The following MAP2K5 variants were observed in gnomAD, a reference collection of about 807,000 sequenced individuals.
The protein encoded by MAP2K5 is mitogen-activated protein kinase kinase 5.
A neutral mutation model predicts 83.1 loss-of-function variants in MAP2K5; 49 were observed. That is an observed-to-expected ratio of 0.59 (90% CI 0.47 to 0.75). MAP2K5 has a LOEUF of 0.75. Ranked by LOEUF, MAP2K5 falls within the 30% of genes least tolerant of loss-of-function variation. The pLI, the probability that MAP2K5 is intolerant of heterozygous loss-of-function variation, is 0.00. For missense variants in MAP2K5, 457 were observed against 557.5 expected, an observed-to-expected ratio of 0.82 and a Z score of 1.82; for synonymous variants, 202 against 191.8, an observed-to-expected ratio of 1.05 and a Z score of -0.44.
intron 7 of MAP2K5, among the ~76,000 whole-genome samples, chr15:67,598,479 C>T (rs1467688130): frequency 6.6e-6 from 1 of 152,140 alleles, no homozygotes; most frequent in Non-Finnish European, 1.5e-5. Flanking sequence ...AATGCACATG[C>T]ACATACACTT....
At chr15:67,773,609 T>C (rs1350128314) in intron 21 of MAP2K5, among the ~76,000 whole-genome samples, 3 of 152,256 alleles carry the variant, frequency 2.0e-5, no homozygotes, top group Non-Finnish European at 4.4e-5. Context: ...CTTTATAATA[T>C]GGATTTCATC....
intron 2 of MAP2K5, among the ~76,000 whole-genome samples, chr15:67,560,943 C>T (rs922127502): frequency 1.3e-5 from 2 of 152,010 alleles, no homozygotes; most frequent in Admixed American, 6.6e-5. Flanking sequence ...GAAGGGTTTT[C>T]ACTCGTTTTA....
chr15:67,655,945 A>C (rs2057911039), intron 11 of MAP2K5, among the ~76,000 whole-genome samples: 1 of 152,040 alleles, frequency 6.6e-6, no homozygotes, highest in South Asian at 2.1e-4. Context: ...GATAATTTCC[A>C]TTGACCTATC....
At chr15:67,558,700 G>A (rs1274325539) in intron 2 of MAP2K5, among the ~76,000 whole-genome samples, 1 of 152,128 alleles carries the variant, frequency 6.6e-6, no homozygotes, top group African/African-American at 2.4e-5. Flanking sequence ...GCTTCCTTTC[G>A]GTCTGTCAAA....
chr15:67,765,276 T>C (rs2090019882), intron 19 of MAP2K5, among the ~76,000 whole-genome samples: 1 of 152,212 alleles, frequency 6.6e-6, no homozygotes, highest in African/African-American at 2.4e-5. Flanking sequence ...GGAGAATCAC[T>C]TGAACCCAGA....
At chr15:67,739,084 A>T (rs1353773255) in intron 17 of MAP2K5, among the ~76,000 whole-genome samples, 1 of 152,082 alleles carries the variant, frequency 6.6e-6, no homozygotes, top group Non-Finnish European at 1.5e-5. Flanking sequence ...GTTTGAGACC[A>T]GCCTGGGCAA....
rs1345549419 is a variant in MAP2K5, at chr15:67,785,853, A to G, written c.1242+13101A>G. 6.6e-6 allele frequency among the ~76,000 whole-genome samples: 1 copy of G among 152,228 alleles called. No homozygotes were observed. The highest frequency in any genetic ancestry group is 6.5e-5 in the Admixed American group (1 of 15,284). The stretch of plus-strand genomic sequence containing the variant: ...CAAGAAGCAACCTGGGAAACTGGAA[A>G]GAGATTGAATTGGATGTCAGAAAAT... On this transcript the variant is annotated intron_variant, in intron 21 of 21. Coordinates refer to ENST00000178640, the MANE Select transcript of MAP2K5 (RefSeq NM_145160.3). This position sits in a 1 kb window ranked among gnomAD's most constrained non-coding sequence, Gnocchi z 4.4.
At position 67,807,105 on chromosome 15, in the gene MAP2K5, C is replaced by T. The variant is rs41305272; in HGVS notation, c.*355C>T. On this transcript the variant is annotated 3_prime_UTR_variant, in exon 22 of 22. Coordinates refer to ENST00000178640, the MANE Select transcript of MAP2K5 (RefSeq NM_145160.3). The surrounding 1 kb of genome is among the most constrained non-coding windows in gnomAD (Gnocchi z 5.1). Reference sequence around the variant, plus strand: ...ACTGATGGGAATAAAAGTATTAATGCTTTGTGACAGCCTCTGCCATAAGAG... The same window carrying T: ...ACTGATGGGAATAAAAGTATTAATGTTTTGTGACAGCCTCTGCCATAAGAG... The T allele has an allele frequency of 0.032, 18,235 of 572,126 alleles. 372 individuals are homozygous for T. Among genetic ancestry groups the T allele is most frequent in the Non-Finnish European group, 0.042 (15,759 of 372,192 alleles). 35.4% of individuals were successfully genotyped at this position (572,126 alleles called of 1,614,324 possible). A position where few individuals can be genotyped will look rare whatever the true frequency, so the allele number is the denominator to read the frequency against.
chr15:67,568,082 A>G (rs1432110224), intron 3 of MAP2K5, among the ~76,000 whole-genome samples: 1 of 152,192 alleles, frequency 6.6e-6, no homozygotes, highest in African/African-American at 2.4e-5. Context: ...TGAGTAGAAC[A>G]CAGTATTAAC....
chr15:67,592,011 T>C (rs2085422988), intron 6 of MAP2K5, among the ~76,000 whole-genome samples: 1 of 149,016 alleles, frequency 6.7e-6, no homozygotes, highest in African/African-American at 2.5e-5. Flanking sequence ...CTCTGGAGAC[T>C]GAGGCAGGAG....
intron 9 of MAP2K5, among the ~76,000 whole-genome samples, chr15:67,643,729 G>A (rs28595858): frequency 0.82 from 124,228 of 152,034 alleles, 50,920 homozygotes; most frequent in Admixed American, 0.88. Flanking sequence ...GATTACAGGC[G>A]TGAGCCACCG....
At chr15:67,656,668 G>A (rs551365489) in intron 11 of MAP2K5, among the ~76,000 whole-genome samples, 1 of 152,156 alleles carries the variant, frequency 6.6e-6, no homozygotes, top group African/African-American at 2.4e-5. Context: ...CAAAGGTTCA[G>A]GTCCTCTCTG....
At chr15:67,667,660 A>G (rs2087416959) in intron 13 of MAP2K5, among the ~76,000 whole-genome samples, 1 of 152,186 alleles carries the variant, frequency 6.6e-6, no homozygotes, top group Non-Finnish European at 1.5e-5. Flanking sequence ...AGTAAAAAAA[A>G]AAAGAAATTG....
chr15:67,729,149 A>G (rs1383558757), intron 17 of MAP2K5, among the ~76,000 whole-genome samples: 1 of 152,238 alleles, frequency 6.6e-6, no homozygotes, highest in African/African-American at 2.4e-5. Flanking sequence ...TTTAGTGTAT[A>G]TAGCCTTGCT....
In MAP2K5 at chr15:67,747,424, A is replaced by AT; in HGVS notation, c.1075-802dup. ...TGAGTTTATAATAACTGTAAGCTTTATTTTTCCTGGATGGGGAGGCACTGA... is the reference window on the plus strand; with the variant it reads ...TGAGTTTATAATAACTGTAAGCTTTATTTTTTCCTGGATGGGGAGGCACTGA... On this transcript the variant is annotated intron_variant, in intron 17 of 21. Transcript: ENST00000178640. This position sits in a 1 kb window ranked among gnomAD's most constrained non-coding sequence, Gnocchi z 4.1. 6.6e-6 allele frequency among the ~76,000 whole-genome samples: 1 copy of AT among 152,186 alleles called. No individual in the cohort carries two copies. The highest frequency in any genetic ancestry group is 1.9e-4 in the East Asian group (1 of 5,190).
chr15:67,707,558 C>G (rs2088587343), intron 16 of MAP2K5, among the ~76,000 whole-genome samples: 1 of 152,204 alleles, frequency 6.6e-6, no homozygotes, highest in Admixed American at 6.5e-5. Flanking sequence ...CTGTGCCAGG[C>G]CCTGGAGAGT....
At chr15:67,582,725 G>A (rs924343839) in intron 4 of MAP2K5, among the ~76,000 whole-genome samples, 3 of 152,150 alleles carry the variant, frequency 2.0e-5, no homozygotes, top group East Asian at 1.9e-4. Flanking sequence ...GTGGGCTGAG[G>A]TGGGAGGATG....
intron 9 of MAP2K5, chr15:67,642,593 C>T (rs2086739068): frequency 1.0e-5 from 8 of 768,472 alleles, no homozygotes; most frequent in Non-Finnish European, 1.9e-5. Flanking sequence ...AGGAAGCACA[C>T]CCCAAGTACA....
rs972143604 is a variant in MAP2K5 at position 67,676,969 on chromosome 15, A to G, written c.847+12324A>G. 2.6e-5 allele frequency among the ~76,000 whole-genome samples: 4 copies of G among 152,232 alleles called. No homozygotes were observed. The highest frequency in any genetic ancestry group is 9.6e-5 in the African/African-American group (4 of 41,460). ...GGTCATAGCATTGTACCTGGCATATAACAGCTATTATTATGTCAAATAATT... is the reference window on the plus strand; with the variant it reads ...GGTCATAGCATTGTACCTGGCATATGACAGCTATTATTATGTCAAATAATT... On this transcript the variant is annotated intron_variant, in intron 13 of 21. Coordinates refer to ENST00000178640, the MANE Select transcript of MAP2K5 (RefSeq NM_145160.3). This position sits in a 1 kb window ranked among gnomAD's most constrained non-coding sequence, Gnocchi z 4.8.
Sources: gnomAD v4.1 joint callset for allele counts (sites outside exome capture counted in the v4.1 genomes callset) on GRCh38, gnomAD v4.1.1 for gene constraint, Gnocchi (gnomAD v3.1) non-coding constraint, MANE v1.5 for transcripts, NCBI Gene and HGNC (gene_info 2026-07-23, HGNC 2026-07-21) for gene names.